NALF1: variants seen among roughly 807,000 people sequenced by gnomAD.
NALF1 encodes the protein NALCN channel auxiliary factor 1.
NALF1 carries 3 observed loss-of-function variants against 48.4 expected under a neutral mutation model. That is an observed-to-expected ratio of 0.06 (90% CI 0.03 to 0.16). NALF1 has a LOEUF of 0.16. Among genes scored for constraint, NALF1 ranks in the 10% least tolerant of loss-of-function variants. NALF1 has a pLI of 1.00. For synonymous variants in NALF1, 262 were observed against 245.7 expected, an observed-to-expected ratio of 1.07 and a Z score of -0.62; for missense variants, 526 against 571.5, an observed-to-expected ratio of 0.92 and a Z score of 0.81.
chr13:107,410,355 G>A (rs1013472206), intron 1 of NALF1, among the ~76,000 whole-genome samples: 1 of 151,982 alleles, frequency 6.6e-6, no homozygotes, highest in Non-Finnish European at 1.5e-5. Flanking sequence ...CCCTGTTGGT[G>A]TGTCCCATGT....
At position 107,756,115 on chromosome 13, in the gene NALF1, T is replaced by C. The variant is rs138881647; in HGVS notation, c.915+109567A>G. Among the ~76,000 whole-genome samples, 30 of 152,310 alleles carry C rather than the reference T, an allele frequency of 2.0e-4. No individual in the cohort carries two copies. The East Asian group carries it at 5.0e-3, about 26-fold the overall frequency. On this transcript the variant is annotated intron_variant, in intron 1 of 2. Transcript: ENST00000375915. ...GTGTGACTCCTACATGCAATCTCCA[T>C]CTGGCAGGGAAGAGAAGCTAGAAGA...
chr13:107,209,895 T>A (rs9520325), intron 2 of NALF1, among the ~76,000 whole-genome samples: 67,867 of 152,088 alleles, frequency 0.45, 15,789 homozygotes, highest in African/African-American at 0.56. Context: ...TTTAATTATC[T>A]TTTTATTTTT....
intron 1 of NALF1, among the ~76,000 whole-genome samples, chr13:107,781,760 T>C (rs1456259401): frequency 6.6e-6 from 1 of 152,036 alleles, no homozygotes; most frequent in Non-Finnish European, 1.5e-5. Context: ...AAAAGCTCTA[T>C]TCTTTGACGT....
chr13:107,542,335 G>A (rs1007949480), intron 1 of NALF1, among the ~76,000 whole-genome samples: 2 of 151,926 alleles, frequency 1.3e-5, no homozygotes, highest in Admixed American at 6.6e-5. Context: ...GGGGGAGGGG[G>A]GCAATGACAC....
chr13:107,593,945 G>A (rs1262698051), intron 1 of NALF1, among the ~76,000 whole-genome samples: 1 of 151,956 alleles, frequency 6.6e-6, no homozygotes, highest in Non-Finnish European at 1.5e-5. Context: ...ATGGCAGGAA[G>A]TAGAAACTGT....
chr13:107,171,762 A>G (rs906745177), intron 2 of NALF1, among the ~76,000 whole-genome samples: 1 of 151,902 alleles, frequency 6.6e-6, no homozygotes, highest in Non-Finnish European at 1.5e-5. Context: ...TTTTTTTTCT[A>G]CTTGACTGAA....
At chr13:107,700,919 A>C (rs1041157565) in intron 1 of NALF1, among the ~76,000 whole-genome samples, 3 of 152,184 alleles carry the variant, frequency 2.0e-5, no homozygotes, top group African/African-American at 4.8e-5. Flanking sequence ...AGGGAAATAC[A>C]AATTAAAACT....
chr13:107,751,636 G>A (rs2146690), intron 1 of NALF1, among the ~76,000 whole-genome samples: 119,922 of 152,108 alleles, frequency 0.79, 47,530 homozygotes, highest in Middle Eastern at 0.88. Context: ...GACACTGAAC[G>A]TGTACAAATT....
At chr13:107,770,017 A>G (rs1222175642) in intron 1 of NALF1, among the ~76,000 whole-genome samples, 1 of 152,022 alleles carries the variant, frequency 6.6e-6, no homozygotes, top group East Asian at 1.9e-4. Flanking sequence ...GGTTCACACC[A>G]TTCTCCTGCC....
At chr13:107,687,037 C>A (rs745968933) in intron 1 of NALF1, among the ~76,000 whole-genome samples, 1 of 152,148 alleles carries the variant, frequency 6.6e-6, no homozygotes, top group Admixed American at 6.5e-5. Flanking sequence ...ATAACAAGAT[C>A]ACGGAATCAA....
At chr13:107,297,942 C>T (rs749747161) in intron 1 of NALF1, among the ~76,000 whole-genome samples, 8 of 152,076 alleles carry the variant, frequency 5.3e-5, no homozygotes, top group Non-Finnish European at 7.4e-5. Context: ...GTGAAGAGTT[C>T]CTGAACCATC....
At chr13:107,758,595 C>A (rs1375911437) in intron 1 of NALF1, among the ~76,000 whole-genome samples, 1 of 152,028 alleles carries the variant, frequency 6.6e-6, no homozygotes, top group Non-Finnish European at 1.5e-5. Context: ...GTGGCAGGCA[C>A]CTGTAGTACC....
chr13:107,221,289 A>AT (rs1879987300), intron 1 of NALF1, among the ~76,000 whole-genome samples: 1 of 152,190 alleles, frequency 6.6e-6, no homozygotes, highest in South Asian at 2.1e-4. Flanking sequence ...AAATTTAAAA[A>AT]ATTCAAGGCC....
rs1041088402 is a variant in NALF1, at chr13:107,531,012, A to C, written c.916-320257T>G. Among the ~76,000 whole-genome samples the C allele has an allele frequency of 4.3e-4, 34 of 79,104 alleles. 1 individual carries two copies. The highest frequency in any genetic ancestry group is 1.2e-3 in the Admixed American group (11 of 9,046). 51.9% of individuals were successfully genotyped at this position (79,104 alleles called of 152,430 possible). A position where few individuals can be genotyped will look rare whatever the true frequency, so the allele number is the denominator to read the frequency against. On this transcript the variant is annotated intron_variant, in intron 1 of 2. Transcript: ENST00000375915. ...AAAAAGAACTCTGCTGAACATTGTC[A>C]TTCACATATATATATATATATACAT...
intron 1 of NALF1, among the ~76,000 whole-genome samples, chr13:107,635,257 TCA>T (rs1211330447): frequency 1.3e-5 from 2 of 152,082 alleles, no homozygotes; most frequent in Non-Finnish European, 2.9e-5. Flanking sequence ...TTTAATTTAC[TCA>T]CAGTTCCTCA....
intron 1 of NALF1, among the ~76,000 whole-genome samples, chr13:107,619,281 C>T (rs1879463458): frequency 6.6e-6 from 1 of 151,636 alleles, no homozygotes; most frequent in African/African-American, 2.4e-5. Context: ...TTTCCGCACC[C>T]TGTTAGAGTG....
At chr13:107,563,469 A>G (rs1301311087) in intron 1 of NALF1, among the ~76,000 whole-genome samples, 1 of 152,236 alleles carries the variant, frequency 6.6e-6, no homozygotes, top group African/African-American at 2.4e-5. Context: ...CGTGTTTTTC[A>G]GGTGATTTGA....
chr13:107,509,637 T>C (rs1875815358), intron 1 of NALF1, among the ~76,000 whole-genome samples: 1 of 152,094 alleles, frequency 6.6e-6, no homozygotes, highest in Admixed American at 6.6e-5. Context: ...CTCCTCACTT[T>C]AGCCACCATA....
intron 1 of NALF1, among the ~76,000 whole-genome samples, chr13:107,444,946 G>A: frequency 6.6e-6 from 1 of 151,982 alleles, no homozygotes; most frequent in African/African-American, 2.4e-5. Context: ...AATAATTATA[G>A]ATTTACTGGA....
Sources: gnomAD v4.1 joint callset for allele counts (sites outside exome capture counted in the v4.1 genomes callset) on GRCh38, gnomAD v4.1.1 for gene constraint, MANE v1.5 for transcripts, NCBI Gene and HGNC (gene_info 2026-07-23, HGNC 2026-07-21) for gene names.